The following RSU1 variants were observed in gnomAD, a reference collection of about 807,000 sequenced individuals.
RSU1 encodes rsu-1.
In RSU1, 26 loss-of-function variants were observed where a neutral mutation model predicts 31.1. The observed-to-expected ratio is 0.84, with a 90% confidence interval of 0.61 to 1.16. The LOEUF (loss-of-function observed/expected upper bound fraction) is 1.16. Among genes scored for constraint, RSU1 ranks in the 50% most tolerant of loss-of-function variants. RSU1 has a pLI of 0.00. For synonymous variants in RSU1, 164 were observed against 136.3 expected, an observed-to-expected ratio of 1.20 and a Z score of -1.41; for missense variants, 320 against 339.1, an observed-to-expected ratio of 0.94 and a Z score of 0.44.
chr10:16,787,109 C>T (rs996012135), intron 2 of RSU1, among the ~76,000 whole-genome samples: 1 of 152,126 alleles, frequency 6.6e-6, no homozygotes, highest in Non-Finnish European at 1.5e-5. Flanking sequence ...TCCTTGGACA[C>T]GTGTTGATGG....
At chr10:16,775,370 T>A (rs1837507674) in intron 3 of RSU1, among the ~76,000 whole-genome samples, 1 of 152,198 alleles carries the variant, frequency 6.6e-6, no homozygotes, top group Non-Finnish European at 1.5e-5. Context: ...CGTTCTGAAG[T>A]TCTCACGATT....
intron 2 of RSU1, among the ~76,000 whole-genome samples, chr10:16,814,461 A>AT (rs1838482410): frequency 3.4e-5 from 5 of 146,132 alleles, no homozygotes; most frequent in African/African-American, 5.2e-5. Flanking sequence ...GAAAAAAAAA[A>AT]AAAAAAAGAA....
rs146449931 is a variant in RSU1, at chr10:16,752,623, G to T, written c.514C>A (p.Leu172Met). The part of the protein sequence containing the change: ...LSLRDNDLIS[L>M]PKEIGELTQL... Reference sequence around the variant, plus strand: ...GTAAGCTCCCCGATTTCCTTAGGCAGCGAGATCAGGTCGTTATCCCTAAGG... The same window carrying T: ...GTAAGCTCCCCGATTTCCTTAGGCATCGAGATCAGGTCGTTATCCCTAAGG... The change falls in exon 7 of 9, where the codon CTG (leucine) becomes ATG (methionine). Residue 172 changes from leucine (L) to methionine (M), a missense_variant. Coordinates refer to ENST00000345264, the MANE Select transcript of RSU1 (RefSeq NM_012425.4). 2.8e-5 allele frequency: 45 copies of T among 1,613,958 alleles called. No homozygotes were observed. Among genetic ancestry groups the T allele is most frequent in the Non-Finnish European group, 3.6e-5 (43 of 1,179,940 alleles).
chr10:16,611,739 G>T (rs768908603), intron 8 of RSU1, among the ~76,000 whole-genome samples: 5 of 152,186 alleles, frequency 3.3e-5, no homozygotes, highest in African/African-American at 4.8e-5. Flanking sequence ...AGCAAGCAAC[G>T]CTGGTATGAC....
At chr10:16,692,917 C>T (rs142792966) in intron 8 of RSU1, among the ~76,000 whole-genome samples, 29 of 152,112 alleles carry the variant, frequency 1.9e-4, no homozygotes, top group Middle Eastern at 3.4e-3. Flanking sequence ...TAGGAGGATA[C>T]GGTATCATTT....
chr10:16,668,144 T>G (rs752548116), intron 8 of RSU1, among the ~76,000 whole-genome samples: 4 of 152,204 alleles, frequency 2.6e-5, no homozygotes, highest in Non-Finnish European at 5.9e-5. Context: ...GTATTTCAGC[T>G]TCTCCTTTGA....
intron 7 of RSU1, among the ~76,000 whole-genome samples, chr10:16,746,964 T>C (rs569539011): frequency 1.6e-4 from 24 of 152,278 alleles, no homozygotes; most frequent in African/African-American, 5.8e-4. Context: ...TGTCCTGTCC[T>C]GGCCGAGTTA....
intron 8 of RSU1, among the ~76,000 whole-genome samples, chr10:16,671,870 C>T (rs1248446092): frequency 6.6e-6 from 1 of 151,524 alleles, no homozygotes; most frequent in African/African-American, 2.4e-5. Flanking sequence ...TTGTGATCGA[C>T]CCCCCTCGGC....
chr10:16,744,698 A>G (rs931883456), intron 7 of RSU1, among the ~76,000 whole-genome samples: 1 of 152,212 alleles, frequency 6.6e-6, no homozygotes, highest in African/African-American at 2.4e-5. Context: ...ACACAGAACA[A>G]CCAGAACTTG....
At chr10:16,775,616 T>C (rs1486306817) in intron 3 of RSU1, among the ~76,000 whole-genome samples, 1 of 152,148 alleles carries the variant, frequency 6.6e-6, no homozygotes, top group Non-Finnish European at 1.5e-5. Flanking sequence ...GCTGCACTGG[T>C]TCTGGGTTCC....
intron 7 of RSU1, among the ~76,000 whole-genome samples, chr10:16,731,027 T>C (rs1836501420): frequency 6.6e-6 from 1 of 152,118 alleles, no homozygotes; most frequent in African/African-American, 2.4e-5. Flanking sequence ...TTTCACCATG[T>C]TGGCCAGGCT....
chr10:16,703,711 C>T (rs1835840634), intron 7 of RSU1, among the ~76,000 whole-genome samples: 1 of 152,122 alleles, frequency 6.6e-6, no homozygotes, highest in Non-Finnish European at 1.5e-5. Context: ...ACAGCATGAT[C>T]TTAACTTTTT....
chr10:16,595,465 C>T (rs1042940158), intron 8 of RSU1, among the ~76,000 whole-genome samples: 3 of 152,190 alleles, frequency 2.0e-5, no homozygotes, highest in East Asian at 1.9e-4. Context: ...GACAGACCTA[C>T]GAGCCGGAGC....
rs1339443929 is a variant in RSU1 at position 16,690,274 on chromosome 10, G to A, written c.731+4749C>T. 3.3e-5 allele frequency among the ~76,000 whole-genome samples: 5 copies of A among 152,234 alleles called. 1 individual carries two copies. The highest frequency in any genetic ancestry group is 2.0e-4 in the Admixed American group (3 of 15,292). The stretch of plus-strand genomic sequence containing the variant: ...TTAACAGGTAATTGTATAACTCAGC[G>A]ACAGTTTAAAAACACAGTGGAGCAT... On this transcript the variant is annotated intron_variant, in intron 8 of 8. Transcript: ENST00000345264.
intron 8 of RSU1, among the ~76,000 whole-genome samples, chr10:16,642,129 GA>G (rs1185476664): frequency 6.6e-6 from 1 of 152,174 alleles, no homozygotes; most frequent in Non-Finnish European, 1.5e-5. Context: ...GTCTGATTCT[GA>G]TTTTCTCTGT....
intron 7 of RSU1, among the ~76,000 whole-genome samples, chr10:16,749,612 T>C (rs890487888): frequency 6.6e-6 from 1 of 152,026 alleles, no homozygotes; most frequent in Non-Finnish European, 1.5e-5. Flanking sequence ...ACCTCAGGCG[T>C]TGGGGACACA....
intron 3 of RSU1, among the ~76,000 whole-genome samples, chr10:16,771,718 A>T (rs531175350): frequency 5.1e-4 from 78 of 152,368 alleles, no homozygotes; most frequent in African/African-American, 1.8e-3. Context: ...TCTGATGTTC[A>T]AAAGTATACT....
At chr10:16,692,895 A>G (rs562784949) in intron 8 of RSU1, among the ~76,000 whole-genome samples, 1 of 152,176 alleles carries the variant, frequency 6.6e-6, no homozygotes, top group Non-Finnish European at 1.5e-5. Context: ...CACGCTTTAC[A>G]TTGCTTTTAT....
At chr10:16,657,481 A>T (rs1834805926) in intron 8 of RSU1, among the ~76,000 whole-genome samples, 1 of 144,910 alleles carries the variant, frequency 6.9e-6, no homozygotes. Context: ...GACTTTTGGG[A>T]TTTTTTTTTT....
Sources: gnomAD v4.1 joint callset for allele counts (sites outside exome capture counted in the v4.1 genomes callset) on GRCh38, gnomAD v4.1.1 for gene constraint, MANE v1.5 for transcripts, NCBI Gene and HGNC (gene_info 2026-07-23, HGNC 2026-07-21) for gene names.